Variants in TENM3 observed in about 807,000 individuals in gnomAD.
TENM3 encodes the protein teneurin-3.
TENM3 carries 63 observed loss-of-function variants against 255.1 expected under a neutral mutation model. The observed-to-expected ratio is 0.25, with a 90% CI of 0.20 to 0.30. The LOEUF (loss-of-function observed/expected upper bound fraction) is 0.30. TENM3 is among the 10% of genes least tolerant of loss of function. The pLI is 1.00. For synonymous variants in TENM3, 1,306 were observed against 1,322.3 expected, an observed-to-expected ratio of 0.99 and a Z score of 0.27; for missense variants, 2,929 against 3,461.1, an observed-to-expected ratio of 0.85 and a Z score of 3.86.
intron 1 of TENM3, chr4:182,190,427 A>G (rs1753440443): frequency 6.6e-6 from 1 of 152,180 alleles, no homozygotes. Context: ...GCCGGATACA[A>G]GTACAATTTC....
chr4:181,982,113 G>C, the TENM3 span, among the ~76,000 whole-genome samples: 1 of 152,132 alleles, frequency 6.6e-6, no homozygotes, highest in South Asian at 2.1e-4. Context: ...ATATCAGTGG[G>C]AGTAGAAGAG....
At chr4:181,611,725 T>A in the TENM3 span, among the ~76,000 whole-genome samples, 1 of 152,240 alleles carries the variant, frequency 6.6e-6, no homozygotes, top group African/African-American at 2.4e-5. Flanking sequence ...GCAAATAAAA[T>A]GCTGCACTCA....
chr4:181,544,883 T>C, the TENM3 span, among the ~76,000 whole-genome samples: 1 of 152,238 alleles, frequency 6.6e-6, no homozygotes, highest in East Asian at 1.9e-4. Flanking sequence ...GAATTAGAGC[T>C]GACAAATGTT....
chr4:181,746,906 C>T, the TENM3 span, among the ~76,000 whole-genome samples: 15 of 152,086 alleles, frequency 9.9e-5, no homozygotes, highest in East Asian at 2.7e-3. Context: ...TGTATTTAGT[C>T]AGTATTTTTT....
chr4:181,669,185 A>G, the TENM3 span, among the ~76,000 whole-genome samples: 1 of 152,204 alleles, frequency 6.6e-6, no homozygotes, highest in African/African-American at 2.4e-5. Context: ...TGGTAACAAT[A>G]ATAGTTAAGA....
In TENM3 at chr4:182,789,732, C is replaced by T. The variant is rs552634874; in HGVS notation, c.5601+343C>T. Among the ~76,000 whole-genome samples, 1 of 152,340 alleles carries T rather than the reference C, an allele frequency of 6.6e-6. No individual in the cohort carries two copies. Among genetic ancestry groups the T allele is most frequent in the East Asian group, 1.9e-4 (1 of 5,192 alleles). On this transcript the variant is annotated intron_variant, in intron 25 of 27. Transcript: ENST00000511685. The surrounding 1 kb of genome is among the most constrained non-coding windows in gnomAD (Gnocchi z 4.4). ...CTTGTAAATAATTTTCGTGCTAGCT[C>T]TTCCATTTAAGAGAGAGCCTTACAT...
At chr4:181,991,850 A>C in the TENM3 span, among the ~76,000 whole-genome samples, 1 of 152,138 alleles carries the variant, frequency 6.6e-6, no homozygotes, top group African/African-American at 2.4e-5. Context: ...TTTTATAGGC[A>C]GTGGAAGCTG....
chr4:182,467,754 T>C (rs17073341), intron 3 of TENM3, among the ~76,000 whole-genome samples: 1 of 152,082 alleles, frequency 6.6e-6, no homozygotes, highest in African/African-American at 2.4e-5. Flanking sequence ...TGAACTATAA[T>C]GACATGGAAT....
intron 1 of TENM3, among the ~76,000 whole-genome samples, chr4:182,260,287 G>GTTTTTAGTTCTT (rs758186895): frequency 1.3e-5 from 2 of 152,076 alleles, no homozygotes; most frequent in South Asian, 4.1e-4. Context: ...TGGTAGTTCT[G>GTTTTTAGTTCTT]TTTTTAGTTC....
chr4:181,620,632 C>T, the TENM3 span, among the ~76,000 whole-genome samples: 7 of 139,418 alleles, frequency 5.0e-5, no homozygotes, highest in Non-Finnish European at 9.1e-5. Flanking sequence ...GGAAAGCCTA[C>T]GTGAGGAGAA....
the TENM3 span, among the ~76,000 whole-genome samples, chr4:181,675,626 C>T: frequency 6.6e-6 from 1 of 152,124 alleles, no homozygotes; most frequent in Non-Finnish European, 1.5e-5. Context: ...CAGAGACACT[C>T]TAGGTCCTCG....
the TENM3 span, among the ~76,000 whole-genome samples, chr4:181,474,743 A>AC: frequency 0.011 from 1,594 of 148,424 alleles, 39 homozygotes; most frequent in African/African-American, 0.039. Context: ...TCAAAACAAA[A>AC]AAAAAAAAAA....
At chr4:181,988,914 G>C in the TENM3 span, among the ~76,000 whole-genome samples, 2 of 151,936 alleles carry the variant, frequency 1.3e-5, no homozygotes, top group Admixed American at 6.6e-5. Flanking sequence ...TGCACATTAA[G>C]AGTCTTCTGA....
At chr4:181,523,311 A>C in the TENM3 span, among the ~76,000 whole-genome samples, 97 of 152,302 alleles carry the variant, frequency 6.4e-4, no homozygotes, top group East Asian at 9.3e-3. Flanking sequence ...TCCACAGTAG[A>C]GTTTGAAAAA....
chr4:182,437,210 T>A (rs981074396), intron 3 of TENM3, among the ~76,000 whole-genome samples: 1 of 152,220 alleles, frequency 6.6e-6, no homozygotes, highest in Admixed American at 6.5e-5. Context: ...AGTTAACATT[T>A]GGAAATAGCT....
At chr4:182,315,157 C>T (rs1762681341) in intron 1 of TENM3, among the ~76,000 whole-genome samples, 1 of 152,148 alleles carries the variant, frequency 6.6e-6, no homozygotes, top group African/African-American at 2.4e-5. Context: ...GCTTAGTTAT[C>T]TATATTTAAG....
chr4:182,529,693 A>G (rs967546813), intron 3 of TENM3, among the ~76,000 whole-genome samples: 1 of 152,156 alleles, frequency 6.6e-6, no homozygotes, highest in African/African-American at 2.4e-5. Flanking sequence ...TTGTTCATTT[A>G]TTCCTTGACA....
At chr4:182,434,128 A>AG (rs1469876458) in intron 3 of TENM3, among the ~76,000 whole-genome samples, 2 of 151,344 alleles carry the variant, frequency 1.3e-5, no homozygotes, top group African/African-American at 4.9e-5. Context: ...AAAAAAAAAA[A>AG]AGGTAGAGTA....
intron 1 of TENM3, among the ~76,000 whole-genome samples, chr4:182,232,152 C>A (rs371684384): frequency 6.6e-6 from 1 of 152,096 alleles, no homozygotes; most frequent in Non-Finnish European, 1.5e-5. Context: ...ATGTCTATTC[C>A]GGGAACTGGC....
Sources: gnomAD v4.1 joint callset for allele counts (sites outside exome capture counted in the v4.1 genomes callset) on GRCh38, gnomAD v4.1.1 for gene constraint, Gnocchi (gnomAD v3.1) non-coding constraint, MANE v1.5 for transcripts, NCBI Gene and HGNC (gene_info 2026-07-23, HGNC 2026-07-21) for gene names.